CDK15: variants seen among roughly 807,000 people sequenced by gnomAD.
CDK15 encodes cyclin-dependent kinase 15.
A neutral mutation model predicts 60.3 loss-of-function variants in CDK15; 62 were observed. That is an observed-to-expected ratio of 1.03 (90% CI 0.84 to 1.27). CDK15 has a LOEUF of 1.27. Among genes scored for constraint, CDK15 ranks in the 50% most tolerant of loss-of-function variants. CDK15 has a pLI of 0.00. For synonymous variants in CDK15, 194 were observed against 195.7 expected, an observed-to-expected ratio of 0.99 and a Z score of 0.07; for missense variants, 541 against 527.8, an observed-to-expected ratio of 1.03 and a Z score of -0.25.
intron 6 of CDK15, among the ~76,000 whole-genome samples, chr2:201,824,312 CG>C (rs1451491832): frequency 6.6e-6 from 1 of 151,888 alleles, no homozygotes; most frequent in Non-Finnish European, 1.5e-5. Context: ...TTAAAATAAC[CG>C]TATGAAATTT....
At chr2:201,881,161 C>T (rs561929364) in intron 12 of CDK15, among the ~76,000 whole-genome samples, 21 of 152,146 alleles carry the variant, frequency 1.4e-4, no homozygotes, top group African/African-American at 4.1e-4. Flanking sequence ...CAGCCTGGTC[C>T]GCCTTGCCAG....
chr2:201,811,602 A>T (rs1273884711), intron 3 of CDK15, among the ~76,000 whole-genome samples: 1 of 152,232 alleles, frequency 6.6e-6, no homozygotes, highest in East Asian at 1.9e-4. Flanking sequence ...AATCTTCTCT[A>T]TTCTCAGCAC....
chr2:201,850,102 C>A (rs1050963101), intron 9 of CDK15, among the ~76,000 whole-genome samples: 1 of 152,154 alleles, frequency 6.6e-6, no homozygotes. Context: ...GGATTACAGG[C>A]GTGAGCCACC....
intron 12 of CDK15, among the ~76,000 whole-genome samples, chr2:201,880,810 C>G (rs1041875861): frequency 6.6e-6 from 1 of 151,980 alleles, no homozygotes; most frequent in Non-Finnish European, 1.5e-5. Context: ...TGGACTGTGG[C>G]CAGGAAGGGC....
intron 4 of CDK15, 41 bp from the exon 5 acceptor site, chr2:201,822,768 A>G: frequency 8.4e-7 from 1 of 1,186,710 alleles, no homozygotes; most frequent in Non-Finnish European, 1.3e-6. Flanking sequence ...CAGCACTTTC[A>G]TTATCAATGA....
chr2:201,883,364 G>A (rs1049583407), intron 12 of CDK15, among the ~76,000 whole-genome samples: 4 of 151,998 alleles, frequency 2.6e-5, no homozygotes, highest in South Asian at 2.1e-4. Flanking sequence ...GTGTAGGAGC[G>A]GCATAGAAAT....
At chr2:201,887,983 G>A (rs1373417870) in intron 12 of CDK15, among the ~76,000 whole-genome samples, 2 of 151,394 alleles carry the variant, frequency 1.3e-5, no homozygotes, top group African/African-American at 2.4e-5. Flanking sequence ...CAAAACCCAC[G>A]TGACACGGAA....
At chr2:201,864,732 G>A (rs901929758) in intron 10 of CDK15, among the ~76,000 whole-genome samples, 32 of 152,210 alleles carry the variant, frequency 2.1e-4, no homozygotes, top group African/African-American at 7.5e-4. Flanking sequence ...GGAAACAGAA[G>A]GGGGAAGGAA....
At position 201,880,055 on chromosome 2, in the gene CDK15, C is replaced by T. The variant is rs761912531; in HGVS notation, c.1086C>T (p.Asp362=). ...NRLGRVPEAE[D]LASQMLKGFP... The stretch of plus-strand genomic sequence containing the variant: ...TGGGCAGGGTTCCTGAAGCTGAAGA[C>T]CTGGCCTCCCAGATGCTAAAAGGCT... Residue 362 remains aspartate, a synonymous_variant, in exon 12 of 14, where the codon GAC becomes GAT. Transcript: ENST00000652192. 2.5e-6 allele frequency: 4 copies of T among 1,613,980 alleles called. No homozygotes were observed. Among genetic ancestry groups the T allele is most frequent in the African/African-American group, 2.7e-5 (2 of 74,918 alleles).
intron 8 of CDK15, among the ~76,000 whole-genome samples, chr2:201,845,697 T>C (rs1697623464): frequency 6.6e-6 from 1 of 151,878 alleles, no homozygotes; most frequent in Non-Finnish European, 1.5e-5. Context: ...AAAATAAACT[T>C]GATAATAAAT....
chr2:201,852,919 T>A (rs980454253), intron 9 of CDK15, among the ~76,000 whole-genome samples: 2 of 152,232 alleles, frequency 1.3e-5, no homozygotes, highest in African/African-American at 4.8e-5. Context: ...TAGTTAAATA[T>A]CATACAAAGT....
chr2:201,860,388 T>C (rs1016710647), intron 10 of CDK15, among the ~76,000 whole-genome samples: 1 of 152,222 alleles, frequency 6.6e-6, no homozygotes, highest in African/African-American at 2.4e-5. Flanking sequence ...GTTCCTGATG[T>C]GCGTGCAAAG....
At chr2:201,817,207 G>T (rs1696035195) in intron 4 of CDK15, among the ~76,000 whole-genome samples, 1 of 152,176 alleles carries the variant, frequency 6.6e-6, no homozygotes, top group Admixed American at 6.5e-5. Flanking sequence ...TTTCTAAACT[G>T]TTTTCCACAG....
intron 12 of CDK15, among the ~76,000 whole-genome samples, chr2:201,885,007 AG>A (rs1187941829): frequency 6.6e-6 from 1 of 152,160 alleles, no homozygotes; most frequent in African/African-American, 2.4e-5. Context: ...TGATTTTGTG[AG>A]TGGGCCTTGA....
At chr2:201,867,449 C>A (rs901997439) in intron 10 of CDK15, among the ~76,000 whole-genome samples, 5 of 152,010 alleles carry the variant, frequency 3.3e-5, no homozygotes, top group Non-Finnish European at 5.9e-5. Context: ...CATAGGGAGA[C>A]CCCATCTCTA....
At chr2:201,823,567 C>T (rs1409615524) in intron 5 of CDK15, 98 bp from the exon 6 acceptor site, 30 of 1,088,152 alleles carry the variant, frequency 2.8e-5, no homozygotes, top group Admixed American at 5.1e-5. Context: ...TTCTGTACTT[C>T]GTAATACCTT....
At chr2:201,860,304 G>A (rs998354503) in intron 10 of CDK15, among the ~76,000 whole-genome samples, 2 of 152,192 alleles carry the variant, frequency 1.3e-5, no homozygotes. Context: ...TAGATACTGG[G>A]GGTCAAGGAC....
At chr2:201,879,062 C>G (rs1699182051) in intron 11 of CDK15, among the ~76,000 whole-genome samples, 1 of 152,184 alleles carries the variant, frequency 6.6e-6, no homozygotes, top group Admixed American at 6.5e-5. Flanking sequence ...TCTCCCAAAG[C>G]CAACCACTTA....
chr2:201,853,140 A>C (rs1345266952), intron 9 of CDK15, among the ~76,000 whole-genome samples: 1 of 152,196 alleles, frequency 6.6e-6, no homozygotes, highest in Non-Finnish European at 1.5e-5. Flanking sequence ...AAGAAGAATT[A>C]GTTTCTTGTC....
Sources: allele counts gnomAD v4.1 joint callset (sites outside exome capture counted in the v4.1 genomes callset), GRCh38; gene constraint gnomAD v4.1.1; transcripts MANE v1.5; gene names NCBI Gene and HGNC (gene_info 2026-07-23, HGNC 2026-07-21).